The following TRPM1 variants were observed in gnomAD, a reference collection of about 807,000 sequenced individuals.
TRPM1 encodes TRPM1-203 APA Isoform, Intron 10.
Under a neutral mutation model 149.4 loss-of-function variants are expected in TRPM1, and 113 were observed. The observed-to-expected ratio is 0.76, with a 90% CI of 0.65 to 0.88. TRPM1 has a LOEUF of 0.88. TRPM1 is among the 40% of genes least tolerant of loss of function. The pLI, the probability that TRPM1 is intolerant of heterozygous loss-of-function variation, is 0.00. For synonymous variants in TRPM1, 741 were observed against 759.5 expected (o/e 0.98, Z 0.40); for missense variants, 1,976 against 2,038.7 (o/e 0.97, Z 0.59).
At chr15:31,100,086 CTT>C (rs1157034431) in intron 1 of TRPM1, among the ~76,000 whole-genome samples, 32 of 144,532 alleles carry the variant, frequency 2.2e-4, no homozygotes, top group Admixed American at 3.5e-4. Flanking sequence ...TTCTTTCCTT[CTT>C]TTTTTTTTTT....
At chr15:31,065,558 ACAGCTCCCCCTCAGGAC>A (rs1428790755) in intron 7 of TRPM1, among the ~76,000 whole-genome samples, 1 of 152,078 alleles carries the variant, frequency 6.6e-6, no homozygotes, top group Non-Finnish European at 1.5e-5. Context: ...TCTGACAGTG[ACAGCTCCCCCTCAGGAC>A]CAGCAAGGAT....
intron 1 of TRPM1, among the ~76,000 whole-genome samples, chr15:31,088,231 T>G (rs972588692): frequency 6.6e-6 from 1 of 152,224 alleles, no homozygotes; most frequent in Non-Finnish European, 1.5e-5. Context: ...TGGACTAATC[T>G]GCTCTCTGTA....
chr15:31,104,972 T>C (rs2035583996), upstream of TRPM1, among the ~76,000 whole-genome samples: 1 of 152,136 alleles, frequency 6.6e-6, no homozygotes, highest in Non-Finnish European at 1.5e-5. Context: ...AAACTTTCCC[T>C]GGGCAGATTT....
intron 27 of TRPM1, among the ~76,000 whole-genome samples, chr15:31,015,736 T>C (rs2032336428): frequency 6.6e-6 from 1 of 152,202 alleles, no homozygotes; most frequent in Non-Finnish European, 1.5e-5. Flanking sequence ...CACTTCCTCA[T>C]ACTATGTAAA....
Position 31,001,806 on chromosome 15 carries a change from A to G in TRPM1, c.*16T>C. 6.2e-7 allele frequency: 1 copy of G among 1,603,692 alleles called. No homozygotes were observed. Among genetic ancestry groups the G allele is most frequent in the African/African-American group, 1.3e-5 (1 of 74,700 alleles). ...GTTCTGACTGTTAAAAAAAAAAATT[A>G]AAGAAACAAAACAGACTAGCATTCA... On this transcript the variant is annotated 3_prime_UTR_variant, in exon 28 of 28. Coordinates refer to ENST00000256552, the MANE Select transcript of TRPM1 (RefSeq NM_001252024.2).
intron 11 of TRPM1, among the ~76,000 whole-genome samples, chr15:31,052,622 A>G (rs1009874351): frequency 6.6e-6 from 1 of 152,092 alleles, no homozygotes; most frequent in Non-Finnish European, 1.5e-5. Flanking sequence ...TAAAAATACA[A>G]TAATTAGCTG....
At chr15:31,009,253 C>T (rs971889909) in intron 27 of TRPM1, among the ~76,000 whole-genome samples, 7 of 151,928 alleles carry the variant, frequency 4.6e-5, no homozygotes, top group Non-Finnish European at 8.8e-5. Flanking sequence ...CCCAGCTACT[C>T]GGGAGGTTGT....
At chr15:31,003,213 C>G in intron 27 of TRPM1, 143 bp from the exon 28 acceptor site, 2 of 723,438 alleles carry the variant, frequency 2.8e-6, no homozygotes, top group Non-Finnish European at 4.4e-6. Flanking sequence ...TCACAATCCC[C>G]TAACATGACT....
rs2031765519 is a variant in TRPM1, at chr15:31,001,640, CTA to C, written c.*180_*181del. 1 of 650,050 alleles carries C rather than the reference CTA, an allele frequency of 1.5e-6. No homozygotes were observed. Among genetic ancestry groups the C allele is most frequent in the African/African-American group, 1.8e-5 (1 of 54,714 alleles). The allele number at this position is 650,050 out of a possible 1,614,324, so 40.3% of individuals were successfully genotyped here. A position where few individuals can be genotyped will look rare whatever the true frequency, so the allele number is the denominator to read the frequency against. ...TTTGATACTACTGCAACTGAAAAAACTAAGCCTACTAACATATGCTAACAAAA... is the reference window on the plus strand; with the variant it reads ...TTTGATACTACTGCAACTGAAAAAACAGCCTACTAACATATGCTAACAAAA... On this transcript the variant is annotated 3_prime_UTR_variant, in exon 28 of 28. Coordinates refer to ENST00000256552, the MANE Select transcript of TRPM1 (RefSeq NM_001252024.2).
At chr15:31,092,831 T>C (rs1051843046) in intron 1 of TRPM1, among the ~76,000 whole-genome samples, 4 of 152,088 alleles carry the variant, frequency 2.6e-5, no homozygotes, top group African/African-American at 7.2e-5. Flanking sequence ...ACCATATGGG[T>C]GACTCTCCAA....
intron 12 of TRPM1, 50 bp downstream of exon 12, chr15:31,050,359 C>T: frequency 1.9e-6 from 3 of 1,614,010 alleles, no homozygotes; most frequent in Non-Finnish European, 2.5e-6. Context: ...CATCCCTTCC[C>T]CTGGGGAAGG....
chr15:31,109,186 GGGCCA>G (rs2035648456), intron 1 of TRPM1, among the ~76,000 whole-genome samples: 1 of 151,758 alleles, frequency 6.6e-6, no homozygotes, highest in African/African-American at 2.4e-5. Flanking sequence ...GGGGAGTAAT[GGGCCA>G]CGTGAGGTGG....
rs191205969 is a variant in TRPM1 at position 31,068,010 on chromosome 15, A to G, written c.362T>C (p.Leu121Pro). The change falls in exon 5 of 28, where the codon CTC becomes CCC. Residue 121 changes from leucine to proline, a missense_variant. Around this residue, in one of 3 missense-constraint regions of TRPM1, gnomAD observed 1,332 missense variants for 1,347.1 expected, o/e 0.99. Coordinates refer to ENST00000256552, the MANE Select transcript of TRPM1 (RefSeq NM_001252024.2). ...GAGGCCTCCATGCACAGATATTAAGAGCTTGGGGAGTTCCAGCTGCCAATC... is the reference window on the plus strand; with the variant it reads ...GAGGCCTCCATGCACAGATATTAAGGGCTTGGGGAGTTCCAGCTGCCAATC... ...VKDWQLELPK[L>P]LISVHGGLQN... 494 of 1,614,112 alleles carry G rather than the reference A, an allele frequency of 3.1e-4. No individual in the cohort carries two copies. The highest frequency in any genetic ancestry group is 4.0e-4 in the Non-Finnish European group (472 of 1,180,014).
chr15:31,115,738 G>A (rs183612865), intron 1 of TRPM1, among the ~76,000 whole-genome samples: 2 of 151,582 alleles, frequency 1.3e-5, no homozygotes, highest in East Asian at 3.9e-4. Context: ...GCCCTCTTCT[G>A]CTTGCCATCA....
intron 16 of TRPM1, among the ~76,000 whole-genome samples, chr15:31,045,296 T>G (rs1299840534): frequency 1.3e-5 from 2 of 152,344 alleles, no homozygotes; most frequent in South Asian, 2.1e-4. Flanking sequence ...AATATGGCAT[T>G]TCTTCCATTC....
chr15:31,079,707 A>G (rs1322480213), intron 2 of TRPM1, among the ~76,000 whole-genome samples: 1 of 152,368 alleles, frequency 6.6e-6, no homozygotes, highest in East Asian at 1.9e-4. Flanking sequence ...GCCTACATAC[A>G]TATGCACATA....
intron 27 of TRPM1, among the ~76,000 whole-genome samples, chr15:31,012,513 G>A (rs2032221558): frequency 6.6e-6 from 1 of 152,184 alleles, no homozygotes. Context: ...TCCATGTGAT[G>A]AGTTGCTTCT....
intron 27 of TRPM1, among the ~76,000 whole-genome samples, chr15:31,013,347 T>C (rs1447532158): frequency 6.6e-6 from 1 of 152,066 alleles, no homozygotes; most frequent in African/African-American, 2.4e-5. Context: ...CTACCTCTTT[T>C]TTTTTGAGAC....
intron 1 of TRPM1, among the ~76,000 whole-genome samples, chr15:31,151,216 G>T (rs912835565): frequency 6.6e-5 from 10 of 152,140 alleles, no homozygotes; most frequent in Non-Finnish European, 1.2e-4. Context: ...CGACATTGTG[G>T]TGCATTGGCA....
Sources: allele counts gnomAD v4.1 joint callset (sites outside exome capture counted in the v4.1 genomes callset), GRCh38; gene constraint gnomAD v4.1.1; regional missense constraint gnomAD v4.1.1; transcripts MANE v1.5; gene names NCBI Gene and HGNC (gene_info 2026-07-23, HGNC 2026-07-21).